The following FBXO6 variants were observed in gnomAD, a reference collection of about 807,000 sequenced individuals.
FBXO6 encodes F-box protein 6.
FBXO6 carries 13 observed loss-of-function variants against 25.0 expected under a neutral mutation model. The ratio of observed to expected loss-of-function variants is 0.52; its 90% CI spans 0.34 to 0.83. The LOEUF (loss-of-function observed/expected upper bound fraction) is 0.83. Among genes scored for constraint, FBXO6 ranks in the 40% least tolerant of loss-of-function variants. The probability of loss-of-function intolerance (pLI) is 0.02; values close to 1 mark genes in which losing one functional copy is unlikely to be tolerated. For synonymous variants in FBXO6, 138 were observed against 155.3 expected, an observed-to-expected ratio of 0.89 and a Z score of 0.83; for missense variants, 370 against 380.2, an observed-to-expected ratio of 0.97 and a Z score of 0.22.
intron 4 of FBXO6, among the ~76,000 whole-genome samples, chr1:11,672,570 G>A (rs1455141949): frequency 6.6e-6 from 1 of 152,188 alleles, no homozygotes; most frequent in Non-Finnish European, 1.5e-5. Flanking sequence ...GATTACAGGT[G>A]TGAGCCACTG....
intron 1 of FBXO6, among the ~76,000 whole-genome samples, chr1:11,668,413 T>G (rs1640506574): frequency 6.6e-6 from 1 of 151,760 alleles, no homozygotes; most frequent in Non-Finnish European, 1.5e-5. Context: ...TTTTTTTTTT[T>G]TTTAGCCAGA....
intron 1 of FBXO6, 100 bp from the exon 2 acceptor site, chr1:11,668,556 C>A: frequency 6.9e-7 from 1 of 1,446,962 alleles, no homozygotes; most frequent in Non-Finnish European, 9.3e-7. Context: ...GCCACCACAC[C>A]TGGCTAATGC....
chr1:11,672,861 G>A (rs997409029), intron 4 of FBXO6, among the ~76,000 whole-genome samples: 30 of 152,326 alleles, frequency 2.0e-4, no homozygotes, highest in Admixed American at 1.8e-3. Context: ...CTGCAGGGGG[G>A]AGAGGTGGCT....
Position 11,673,855 on chromosome 1 carries a change from C to T in FBXO6, c.*4C>T. Reference sequence around the variant, plus strand: ...AGCTGTTGTCCAGATTTTCTGACAGCTGTCCATCCTGTGTCTGGGTCAGCC... The same window carrying T: ...AGCTGTTGTCCAGATTTTCTGACAGTTGTCCATCCTGTGTCTGGGTCAGCC... On this transcript the variant is annotated 3_prime_UTR_variant, in exon 6 of 6. Coordinates refer to ENST00000376753, the MANE Select transcript of FBXO6 (RefSeq NM_018438.6). This position sits in a 1 kb window ranked among gnomAD's most constrained non-coding sequence, Gnocchi z 4.3. 6.2e-7 allele frequency: 1 copy of T among 1,613,548 alleles called. No homozygotes were observed. Among genetic ancestry groups the T allele is most frequent in the Non-Finnish European group, 8.5e-7 (1 of 1,179,550 alleles).
chr1:11,672,968 G>A (rs1369554621), intron 4 of FBXO6, among the ~76,000 whole-genome samples: 1 of 152,230 alleles, frequency 6.6e-6, no homozygotes, highest in African/African-American at 2.4e-5. Context: ...TGTAAGTACA[G>A]GTGACATGGC....
rs1487858299 is a variant in FBXO6 at position 11,668,406 on chromosome 1, T to TG, written c.-3-250_-3-249insG. ...TCAGAAATGCTCTTTTGTGGGTTTTTTTTTTTTTTTAGCCAGAGTCTTGCT... is the reference window on the plus strand; with the variant it reads ...TCAGAAATGCTCTTTTGTGGGTTTTTGTTTTTTTTTTAGCCAGAGTCTTGCT... On this transcript the variant is annotated intron_variant, in intron 1 of 5. Coordinates refer to ENST00000376753, the MANE Select transcript of FBXO6 (RefSeq NM_018438.6). Among the ~76,000 whole-genome samples, 476 of 151,742 alleles carry TG rather than the reference T, an allele frequency of 3.1e-3. 5 individuals carry two copies. Among genetic ancestry groups the TG allele is most frequent in the African/African-American group, 0.011 (457 of 41,334 alleles).
intron 2 of FBXO6, among the ~76,000 whole-genome samples, 158 bp downstream of exon 2, chr1:11,669,102 G>C (rs924571677): frequency 1.3e-5 from 2 of 152,162 alleles, no homozygotes; most frequent in Admixed American, 6.5e-5. Context: ...TCAGTTCAGA[G>C]ACCTGCCCTG....
In FBXO6 at chr1:11,673,383, C is replaced by T; in HGVS notation, c.616C>T (p.Gln206Ter). ...CTTCGAGCCCCCACCTGTGACCATC[C>T]AACAGTGGAACAATGCCACATGGAC... ...ASFEPPPVTI[Q>*]QWNNATWTEV... The change falls in exon 5 of 6, where the codon CAA (glutamine) becomes TAA (stop). Residue 206 changes from glutamine (Q) to a stop codon, truncating the protein, a stop_gained. Transcript: ENST00000376753. LOFTEE classifies it low-confidence loss of function (END_TRUNC). This position sits in a 1 kb window ranked among gnomAD's most constrained non-coding sequence, Gnocchi z 4.3. The T allele has an allele frequency of 6.2e-7, 1 of 1,614,066 alleles. No homozygotes were observed. Among genetic ancestry groups the T allele is most frequent in the Non-Finnish European group, 8.5e-7 (1 of 1,180,012 alleles).
At chr1:11,667,045 G>A (rs1640458206) in intron 1 of FBXO6, among the ~76,000 whole-genome samples, 1 of 152,002 alleles carries the variant, frequency 6.6e-6, no homozygotes, top group Non-Finnish European at 1.5e-5. Context: ...TACTTGAGAG[G>A]CTGAGGCTGG....
At position 11,673,890 on chromosome 1, in the gene FBXO6, T is replaced by C. The variant is rs780913337; in HGVS notation, c.*39T>C. The C allele has an allele frequency of 6.3e-7, 1 of 1,597,118 alleles. No individual in the cohort carries two copies. Among genetic ancestry groups the C allele is most frequent in the Non-Finnish European group, 8.6e-7 (1 of 1,165,272 alleles). On this transcript the variant is annotated 3_prime_UTR_variant, in exon 6 of 6. Transcript: ENST00000376753. This position sits in a 1 kb window ranked among gnomAD's most constrained non-coding sequence, Gnocchi z 4.3. ...TGTGTCTGGGTCAGCCAGAGGTTCC[T>C]CCAGGCAGGAGCTGAGCATGGGGTG... is the stretch of plus-strand genomic sequence containing the variant.
chr1:11,671,208 G>A, intron 2 of FBXO6, 58 bp from the exon 3 acceptor site: 1 of 1,590,030 alleles, frequency 6.3e-7, no homozygotes, highest in Admixed American at 1.7e-5. Flanking sequence ...GACTAAGTGG[G>A]GAGGGCTGGA....
chr1:11,669,433 C>A (rs1271830546), intron 2 of FBXO6, among the ~76,000 whole-genome samples: 1 of 150,636 alleles, frequency 6.6e-6, no homozygotes, highest in African/African-American at 2.4e-5. Flanking sequence ...CATTGCACTC[C>A]AGCCTGGGTG....
At chr1:11,669,630 A>G (rs1640549235) in intron 2 of FBXO6, among the ~76,000 whole-genome samples, 2 of 150,018 alleles carry the variant, frequency 1.3e-5, no homozygotes, top group South Asian at 2.1e-4. Context: ...GTATATACAC[A>G]TGTATACATA....
intron 1 of FBXO6, among the ~76,000 whole-genome samples, chr1:11,667,145 C>CG (rs1640462032): frequency 6.8e-6 from 1 of 148,000 alleles, no homozygotes; most frequent in Non-Finnish European, 1.5e-5. Flanking sequence ...GAAACTGTCT[C>CG]GGGGTGGGGG....
chr1:11,665,375 C>A (rs1046895567), intron 1 of FBXO6, among the ~76,000 whole-genome samples: 1 of 150,096 alleles, frequency 6.7e-6, no homozygotes, highest in Non-Finnish European at 1.5e-5. Context: ...CAGGCACCTG[C>A]TTCTCGAGTA....
chr1:11,667,703 C>T (rs1332039586), intron 1 of FBXO6, among the ~76,000 whole-genome samples: 2 of 152,154 alleles, frequency 1.3e-5, no homozygotes, highest in East Asian at 3.8e-4. Flanking sequence ...TCACATGTGA[C>T]TTCCAGGCCA....
chr1:11,668,269 T>TA (rs1196503989), intron 1 of FBXO6, among the ~76,000 whole-genome samples: 2 of 152,146 alleles, frequency 1.3e-5, no homozygotes, highest in South Asian at 2.1e-4. Flanking sequence ...AGGGGCCTTT[T>TA]AAAAAATGTG....
chr1:11,671,482 AAGTCCTCTCTGCG>A, intron 3 of FBXO6, 90 bp downstream of exon 3: 1 of 1,553,402 alleles, frequency 6.4e-7, no homozygotes, highest in Non-Finnish European at 8.7e-7. Context: ...TTCCTAAGGG[AAGTCCTCTCTGCG>A]AAGCTCGAGG....
At chr1:11,669,070 GT>G in intron 2 of FBXO6, 126 bp downstream of exon 2, 1 of 1,268,748 alleles carries the variant, frequency 7.9e-7, no homozygotes, top group South Asian at 1.5e-5. Flanking sequence ...CACTTCCTTG[GT>G]TCCTTCTCAT....
Sources: allele counts gnomAD v4.1 joint callset (sites outside exome capture counted in the v4.1 genomes callset), GRCh38; gene constraint gnomAD v4.1.1; non-coding constraint Gnocchi (gnomAD v3.1); transcripts MANE v1.5; gene names NCBI Gene and HGNC (gene_info 2026-07-23, HGNC 2026-07-21).